RARS2: variants seen among roughly 807,000 people sequenced by gnomAD.
RARS2 encodes the protein arginyl-tRNA synthetase 2, mitochondrial, also known as probable arginine--tRNA ligase, mitochondrial.
In RARS2, 67 loss-of-function variants were observed where a neutral mutation model predicts 88.5. The ratio of observed to expected loss-of-function variants is 0.76; its 90% CI spans 0.62 to 0.93. The LOEUF (loss-of-function observed/expected upper bound fraction) is 0.93, where lower values mean the gene tolerates loss of function less well. Ranked by LOEUF, RARS2 falls within the 40% of genes least tolerant of loss-of-function variation. The pLI is 0.00. For synonymous variants in RARS2, 239 were observed against 230.3 expected (o/e 1.04, Z -0.34); for missense variants, 664 against 684.2 (o/e 0.97, Z 0.33).
At chr6:87,584,819 G>C (rs1475202354) in intron 1 of RARS2, 5 of 426,326 alleles carry the variant, frequency 1.2e-5, no homozygotes, top group Non-Finnish European at 2.3e-5. Flanking sequence ...CAAGACCCAG[G>C]GCTTCTCTAT....
chr6:87,518,374 A>G, intron 16 of RARS2, 110 bp from the exon 17 acceptor site: 1 of 1,573,122 alleles, frequency 6.4e-7, no homozygotes. Flanking sequence ...GGTCTCCTTA[A>G]TATCCATACA....
chr6:87,530,403 G>A (rs1303644964), intron 9 of RARS2, among the ~76,000 whole-genome samples: 2 of 152,108 alleles, frequency 1.3e-5, no homozygotes, highest in African/African-American at 4.8e-5. Flanking sequence ...TAGAATATAA[G>A]GTCTGCGAGA....
At chr6:87,574,353 TAGAG>T (rs897480771) in intron 1 of RARS2, among the ~76,000 whole-genome samples, 2 of 152,110 alleles carry the variant, frequency 1.3e-5, no homozygotes, top group African/African-American at 4.8e-5. Flanking sequence ...CATGACCTAC[TAGAG>T]AGAGAGACAA....
intron 12 of RARS2, among the ~76,000 whole-genome samples, chr6:87,520,845 T>C (rs543679591): frequency 1.3e-5 from 2 of 152,272 alleles, no homozygotes; most frequent in East Asian, 3.9e-4. Flanking sequence ...GGGTTAGGAT[T>C]GGGTGAAGGT....
At chr6:87,582,767 C>T (rs1040170897) in intron 1 of RARS2, among the ~76,000 whole-genome samples, 1 of 152,174 alleles carries the variant, frequency 6.6e-6, no homozygotes, top group Non-Finnish European at 1.5e-5. Context: ...AATTAGACAA[C>T]TAGTTTAATT....
At chr6:87,558,577 G>C (rs1016069318) in intron 4 of RARS2, among the ~76,000 whole-genome samples, 16 of 152,160 alleles carry the variant, frequency 1.1e-4, no homozygotes, top group Non-Finnish European at 1.9e-4. Context: ...ATATACAATG[G>C]TGGTCCCATT....
rs570555727 is a variant in RARS2, at chr6:87,525,602, G to A, written c.879-950C>T. On this transcript the variant is annotated intron_variant, in intron 10 of 19. Coordinates refer to ENST00000369536, the MANE Select transcript of RARS2 (RefSeq NM_020320.5). ...ACTTTGTTGCCCAGGCTGGAGTGGT[G>A]CAGTGGCACGATCTCAGCTCATTGC... Among the ~76,000 whole-genome samples the A allele has an allele frequency of 3.3e-5, 5 of 149,638 alleles. No individual in the cohort carries two copies. The East Asian group carries it at 9.8e-4, about 29-fold the overall frequency.
At chr6:87,519,099 T>C in intron 14 of RARS2, 2 of 563,250 alleles carry the variant, frequency 3.6e-6, no homozygotes, top group Non-Finnish European at 3.1e-6. Context: ...AATTTATTTA[T>C]TCAAAAGATA....
rs143389605 is a variant in RARS2 at position 87,548,600 on chromosome 6, T to C, written c.442A>G (p.Thr148Ala). The C allele has an allele frequency of 5.7e-4, 926 of 1,613,050 alleles. 1 individual carries two copies. The highest frequency in any genetic ancestry group is 6.8e-4 in the South Asian group (62 of 90,998). Reference sequence around the variant, plus strand: ...GAAACTAAACACTTACCTATGATGGTAGAACGCAAATGTCCAACATGAAAT... The same window carrying C: ...GAAACTAAACACTTACCTATGATGGCAGAACGCAAATGTCCAACATGAAAT... ...KKFHVGHLRSTIIGNFIANLK... is the reference protein window; with the variant it reads ...KKFHVGHLRSAIIGNFIANLK... Residue 148 changes from threonine to alanine, a missense_variant, in exon 6 of 20, where the codon ACC (threonine) becomes GCC (alanine). Coordinates refer to ENST00000369536, the MANE Select transcript of RARS2 (RefSeq NM_020320.5).
chr6:87,564,974 C>T (rs766087345), intron 2 of RARS2, among the ~76,000 whole-genome samples: 2 of 152,124 alleles, frequency 1.3e-5, no homozygotes, highest in Non-Finnish European at 2.9e-5. Flanking sequence ...ACGAGAATTG[C>T]TTGAACCCAG....
At chr6:87,542,232 A>G (rs1305322930) in intron 7 of RARS2, among the ~76,000 whole-genome samples, 1 of 152,178 alleles carries the variant, frequency 6.6e-6, no homozygotes, top group East Asian at 1.9e-4. Flanking sequence ...CACAGAAACC[A>G]ATAGGTTATG....
chr6:87,557,440 ACTT>A (rs1209419715), intron 4 of RARS2, among the ~76,000 whole-genome samples: 5 of 152,344 alleles, frequency 3.3e-5, no homozygotes, highest in African/African-American at 7.2e-5. Context: ...AATCTTTCCC[ACTT>A]CTTCTCCTTT....
At chr6:87,580,195 T>C (rs561816018) in intron 1 of RARS2, among the ~76,000 whole-genome samples, 51 of 152,294 alleles carry the variant, frequency 3.3e-4, no homozygotes, top group African/African-American at 1.0e-3. Context: ...TATTTTCTTT[T>C]GCTCCCTTCG....
intron 1 of RARS2, among the ~76,000 whole-genome samples, chr6:87,577,973 T>C (rs972583667): frequency 1.3e-5 from 2 of 152,184 alleles, no homozygotes; most frequent in Non-Finnish European, 2.9e-5. Context: ...AAACTACTTT[T>C]AACATTTTTA....
In RARS2 at chr6:87,570,621, T is replaced by C. The variant is rs1035881363; in HGVS notation, c.37-1031A>G. Among the ~76,000 whole-genome samples, 8 of 152,280 alleles carry C rather than the reference T, an allele frequency of 5.3e-5. No individual in the cohort carries two copies. In the South Asian group the frequency reaches 1.7e-3, roughly 32 times the overall value. ...TTTTAGTAGAGACGGGGCCTTGCCA[T>C]TTTGGCCAGGCTGGTCTCAAACTCC... On this transcript the variant is annotated intron_variant, in intron 1 of 19. Transcript: ENST00000369536.
At chr6:87,571,546 C>A (rs1423086968) in intron 1 of RARS2, among the ~76,000 whole-genome samples, 2 of 152,144 alleles carry the variant, frequency 1.3e-5, no homozygotes, top group African/African-American at 4.8e-5. Context: ...CTCCAATACT[C>A]ATATAGCCTC....
chr6:87,532,443 T>C (rs186668757), intron 8 of RARS2, among the ~76,000 whole-genome samples: 54 of 152,302 alleles, frequency 3.5e-4, no homozygotes, highest in Admixed American at 1.8e-3. Context: ...ATTTAGGACA[T>C]TCTAAGCAGA....
intron 8 of RARS2, among the ~76,000 whole-genome samples, chr6:87,533,218 T>A (rs1304441408): frequency 6.6e-6 from 1 of 152,204 alleles, no homozygotes; most frequent in African/African-American, 2.4e-5. Context: ...TATGACTATT[T>A]TAGAAAAAAC....
intron 8 of RARS2, among the ~76,000 whole-genome samples, chr6:87,538,816 T>C (rs1391991148): frequency 6.6e-6 from 1 of 152,100 alleles, no homozygotes; most frequent in African/African-American, 2.4e-5. Flanking sequence ...GGAGGACTGT[T>C]TGAGCCCAAG....
Sources: gnomAD v4.1 joint callset for allele counts (sites outside exome capture counted in the v4.1 genomes callset) on GRCh38, gnomAD v4.1.1 for gene constraint, MANE v1.5 for transcripts, NCBI Gene and HGNC (gene_info 2026-07-23, HGNC 2026-07-21) for gene names.